NTSR1: variants seen among roughly 807,000 people sequenced by gnomAD.
NTSR1 encodes neurotensin receptor type 1.
In NTSR1, 29 loss-of-function variants were observed where a neutral mutation model predicts 31.2. That is an observed-to-expected ratio of 0.93 (90% CI 0.69 to 1.27). The LOEUF is 1.27. Among genes scored for constraint, NTSR1 ranks in the 50% most tolerant of loss-of-function variants. The probability of loss-of-function intolerance (pLI) is 0.00; values close to 1 mark genes in which losing one functional copy is unlikely to be tolerated. For missense variants in NTSR1, 697 were observed against 595.4 expected, an observed-to-expected ratio of 1.17 and a Z score of -1.78; for synonymous variants, 282 against 269.9, an observed-to-expected ratio of 1.04 and a Z score of -0.44.
rs945319533 is a variant in NTSR1 at position 62,741,246 on chromosome 20, G to C, written c.715-13439G>C. 6.4e-4 allele frequency among the ~76,000 whole-genome samples: 97 copies of C among 152,320 alleles called. No homozygotes were observed. The highest frequency in any genetic ancestry group is 7.5e-4 in the Non-Finnish European group (51 of 68,024). On this transcript the variant is annotated intron_variant, in intron 1 of 3. Transcript: ENST00000370501. The surrounding 1 kb of genome is among the most constrained non-coding windows in gnomAD (Gnocchi z 4.3). ...GCTGCCAGTCCCGCAGCTCAGCCGG[G>C]CACAGACAGGATGTGGCTTCCAGGG...
Position 62,758,479 on chromosome 20 carries a change from G to C in NTSR1, c.1007+123G>C. ...GCAGGGGTGTGGTGAGTCCCCCGGC[G>C]ACCCCCTGGGCAGGGTTGTGCTGTG... On this transcript the variant is annotated intron_variant, in intron 3 of 3. Coordinates refer to ENST00000370501, the MANE Select transcript of NTSR1 (RefSeq NM_002531.3). This position sits in a 1 kb window ranked among gnomAD's most constrained non-coding sequence, Gnocchi z 4.5. 1 of 835,684 alleles carries C rather than the reference G, an allele frequency of 1.2e-6. No individual in the cohort carries two copies. The highest frequency in any genetic ancestry group is 2.7e-5 in the East Asian group (1 of 37,422). 51.8% of individuals were successfully genotyped at this position (835,684 alleles called of 1,614,324 possible).
rs114613611 is a variant in NTSR1, at chr20:62,733,010, C to G, written c.715-21675C>G. The G allele has an allele frequency of 9.3e-4, 142 of 152,084 alleles. No individual in the cohort carries two copies. Among genetic ancestry groups the G allele is most frequent in the African/African-American group, 3.3e-3 (135 of 41,480 alleles). 9.4% of individuals were successfully genotyped at this position (152,084 alleles called of 1,614,324 possible). A position where few individuals can be genotyped will look rare whatever the true frequency, so the allele number is the denominator to read the frequency against. The stretch of plus-strand genomic sequence containing the variant: ...AGCCTCCAGGTGCTGGAATGTTTCT[C>G]GGTGAGAAGCCGCCACGGGAGTCTG... On this transcript the variant is annotated intron_variant, in intron 1 of 3. Transcript: ENST00000370501. This position sits in a 1 kb window ranked among gnomAD's most constrained non-coding sequence, Gnocchi z 5.2.
rs1456408154 is a variant in NTSR1 at position 62,761,777 on chromosome 20, A to C, written c.*1510A>C. The C allele has an allele frequency of 6.6e-6, 1 of 152,236 alleles. No homozygotes were observed. The highest frequency in any genetic ancestry group is 1.9e-4 in the East Asian group (1 of 5,192). The allele number at this position is 152,236 out of a possible 1,614,324, so 9.4% of individuals were successfully genotyped here. A position where few individuals can be genotyped will look rare whatever the true frequency, so the allele number is the denominator to read the frequency against. ...CTGAGAAATGAGAGTCGAATGCTAC[A>C]GTATCTGCAGTCGCTTGGATCTGGC... is the stretch of plus-strand genomic sequence containing the variant. On this transcript the variant is annotated 3_prime_UTR_variant, in exon 4 of 4. Transcript: ENST00000370501.
chr20:62,752,143 C>G (rs906556818), intron 1 of NTSR1, among the ~76,000 whole-genome samples: 9 of 152,192 alleles, frequency 5.9e-5, no homozygotes, highest in Non-Finnish European at 1.2e-4. Context: ...GTGATCTCAA[C>G]GGGTCCTTCT....
chr20:62,738,525 C>A (rs1989145727), intron 1 of NTSR1, among the ~76,000 whole-genome samples: 1 of 152,244 alleles, frequency 6.6e-6, no homozygotes, highest in Admixed American at 6.5e-5. Flanking sequence ...ATGAAAATCT[C>A]CCGGCGAGCC....
At chr20:62,726,767 A>G (rs866363674) in intron 1 of NTSR1, among the ~76,000 whole-genome samples, 3 of 151,740 alleles carry the variant, frequency 2.0e-5, no homozygotes, top group Admixed American at 1.3e-4. Flanking sequence ...GGTGAGGAGG[A>G]ACAGGTCCAT....
intron 1 of NTSR1, among the ~76,000 whole-genome samples, chr20:62,736,473 G>A (rs748611798): frequency 6.6e-6 from 1 of 152,368 alleles, no homozygotes; most frequent in East Asian, 1.9e-4. Flanking sequence ...CTCCAACTGG[G>A]GAACCAGGAG....
chr20:62,709,945 G>T (rs777046474), intron 1 of NTSR1, 24 bp downstream of exon 1: 5 of 1,534,138 alleles, frequency 3.3e-6, no homozygotes, highest in Non-Finnish European at 4.4e-6. Flanking sequence ...ACCAGCCCCG[G>T]GGCTCCCCTC....
In NTSR1 at chr20:62,758,978, C is replaced by T. The variant is rs1989563200; in HGVS notation, c.1007+622C>T. ...ACCAACAGTTCAGGGGCAGGGAGCC[C>T]TTCTCACCCAAAAATGGCAGAGCCT... On this transcript the variant is annotated intron_variant, in intron 3 of 3. Coordinates refer to ENST00000370501, the MANE Select transcript of NTSR1 (RefSeq NM_002531.3). The surrounding 1 kb of genome is among the most constrained non-coding windows in gnomAD (Gnocchi z 4.5). Among the ~76,000 whole-genome samples, 1 of 152,146 alleles carries T rather than the reference C, an allele frequency of 6.6e-6. No individual in the cohort carries two copies. Among genetic ancestry groups the T allele is most frequent in the Admixed American group, 6.5e-5 (1 of 15,280 alleles).
Position 62,742,206 on chromosome 20 carries a change from G to A in NTSR1, c.715-12479G>A, listed in dbSNP as rs966844522. On this transcript the variant is annotated intron_variant, in intron 1 of 3. Transcript: ENST00000370501. This position sits in a 1 kb window ranked among gnomAD's most constrained non-coding sequence, Gnocchi z 7.1. ...CCCACAGTGGTCCCACAGACACCGA[G>A]GTGGCTGACATGGCCCCTCCAGGTC... 6.7e-6 allele frequency among the ~76,000 whole-genome samples: 1 copy of A among 149,520 alleles called. No homozygotes were observed. Among genetic ancestry groups the A allele is most frequent in the African/African-American group, 2.5e-5 (1 of 40,016 alleles).
chr20:62,757,920 G>A (rs888940834), intron 2 of NTSR1, among the ~76,000 whole-genome samples: 3 of 151,676 alleles, frequency 2.0e-5, no homozygotes, highest in Non-Finnish European at 4.4e-5. Context: ...CTCCCCCACT[G>A]AGCCCACGCC....
intron 2 of NTSR1, among the ~76,000 whole-genome samples, chr20:62,755,204 C>T (rs1181259017): frequency 2.3e-5 from 3 of 127,892 alleles, no homozygotes; most frequent in East Asian, 4.7e-4. Context: ...TTCATCCCTC[C>T]CTCCATCCAT....
rs771970115 is a variant in NTSR1 at position 62,714,223 on chromosome 20, C to T, written c.714+4302C>T. 6.6e-6 allele frequency among the ~76,000 whole-genome samples: 1 copy of T among 152,238 alleles called. No homozygotes were observed. Among genetic ancestry groups the T allele is most frequent in the African/African-American group, 2.4e-5 (1 of 41,472 alleles). On this transcript the variant is annotated intron_variant, in intron 1 of 3. Coordinates refer to ENST00000370501, the MANE Select transcript of NTSR1 (RefSeq NM_002531.3). This position sits in a 1 kb window ranked among gnomAD's most constrained non-coding sequence, Gnocchi z 4.1. The stretch of plus-strand genomic sequence containing the variant: ...TGGGCAGCTCTGGCTCTGGCCGTAG[C>T]GGCCACAGTGTCCTCACCTGCAGCG...
At chr20:62,750,545 G>A (rs948830760) in intron 1 of NTSR1, among the ~76,000 whole-genome samples, 1 of 152,024 alleles carries the variant, frequency 6.6e-6, no homozygotes. Flanking sequence ...AAAAAAATTA[G>A]CTGGGCATGG....
At chr20:62,731,421 ATTT>A (rs1266363055) in intron 1 of NTSR1, among the ~76,000 whole-genome samples, 1 of 151,830 alleles carries the variant, frequency 6.6e-6, no homozygotes, top group South Asian at 2.1e-4. Context: ...CAGCTTATTC[ATTT>A]TTTTTGTGGA....
chr20:62,734,377 G>A (rs535602872), intron 1 of NTSR1, among the ~76,000 whole-genome samples: 12 of 152,166 alleles, frequency 7.9e-5, no homozygotes, highest in Admixed American at 5.2e-4. Flanking sequence ...AGAGGAAGCC[G>A]AGCTCTGCTC....
chr20:62,761,457 G>A lies in NTSR1; in HGVS notation c.*1190G>A, dbSNP rs1280784970. On this transcript the variant is annotated 3_prime_UTR_variant, in exon 4 of 4. Coordinates refer to ENST00000370501, the MANE Select transcript of NTSR1 (RefSeq NM_002531.3). ...AAAGCTGGCGCCTCCTTGGTCTCTAGGATCCAGGCTCCACAGAGCACATGA... is the reference window on the plus strand; with the variant it reads ...AAAGCTGGCGCCTCCTTGGTCTCTAAGATCCAGGCTCCACAGAGCACATGA... 6.6e-6 allele frequency: 1 copy of A among 152,274 alleles called. No homozygotes were observed. 9.4% of individuals were successfully genotyped at this position (152,274 alleles called of 1,614,324 possible).
At chr20:62,736,938 C>T (rs1989106361) in intron 1 of NTSR1, among the ~76,000 whole-genome samples, 1 of 152,188 alleles carries the variant, frequency 6.6e-6, no homozygotes, top group South Asian at 2.1e-4. Flanking sequence ...GGCGTTTGCC[C>T]TGCTGTCACT....
chr20:62,728,939 T>C (rs753427054), intron 1 of NTSR1, among the ~76,000 whole-genome samples: 7 of 152,050 alleles, frequency 4.6e-5, no homozygotes, highest in Non-Finnish European at 8.8e-5. Flanking sequence ...AGATGCTGAG[T>C]TGGAAAGGGA....
Sources: allele counts gnomAD v4.1 joint callset (sites outside exome capture counted in the v4.1 genomes callset), GRCh38; gene constraint gnomAD v4.1.1; non-coding constraint Gnocchi (gnomAD v3.1); transcripts MANE v1.5; gene names NCBI Gene and HGNC (gene_info 2026-07-23, HGNC 2026-07-21).